ZNF423: variants seen among roughly 807,000 people sequenced by gnomAD.
ZNF423 encodes the protein Ebf-associated zinc finger protein.
A neutral mutation model predicts 95.8 loss-of-function variants in ZNF423; 12 were observed. The observed-to-expected ratio is 0.13, with a 90% CI of 0.08 to 0.20. ZNF423 has a LOEUF of 0.20. Among genes scored for constraint, ZNF423 ranks in the 10% least tolerant of loss-of-function variants. The pLI, the probability that ZNF423 is intolerant of heterozygous loss-of-function variation, is 1.00. For missense variants in ZNF423, 1,316 were observed against 1,737.1 expected, an observed-to-expected ratio of 0.76 and a Z score of 4.31; for synonymous variants, 749 against 711.9, an observed-to-expected ratio of 1.05 and a Z score of -0.83.
intron 3 of ZNF423, among the ~76,000 whole-genome samples, chr16:49,709,582 A>T (rs774919352): frequency 1.4e-4 from 22 of 152,140 alleles, no homozygotes; most frequent in Non-Finnish European, 2.6e-4. Flanking sequence ...TTCAAGTGCC[A>T]CTGCTATCGT....
intron 1 of ZNF423, among the ~76,000 whole-genome samples, chr16:49,845,027 C>T (rs2035228259): frequency 1.2e-5 from 1 of 85,228 alleles, no homozygotes; most frequent in Non-Finnish European, 2.0e-5. Flanking sequence ...AAGAGCGAAA[C>T]TCCATCTCAA....
At chr16:49,628,858 T>TC (rs1972399305) in intron 4 of ZNF423, among the ~76,000 whole-genome samples, 1 of 152,192 alleles carries the variant, frequency 6.6e-6, no homozygotes, top group Admixed American at 6.5e-5. Context: ...ACACAACTAA[T>TC]CCCAGATGGT....
At chr16:49,522,630 T>C (rs1968449192) in intron 7 of ZNF423, among the ~76,000 whole-genome samples, 1 of 152,140 alleles carries the variant, frequency 6.6e-6, no homozygotes, top group Admixed American at 6.5e-5. Flanking sequence ...TGTGTATGTG[T>C]GATATATCTG....
chr16:49,610,249 T>C lies in ZNF423; in HGVS notation c.3601+15921A>G, dbSNP rs188863789. The stretch of plus-strand genomic sequence containing the variant: ...GAACATTAGGTAGTAAGAAAGAACA[T>C]GGTAAGGAAATTTTACTGTAGATAC... On this transcript the variant is annotated intron_variant, in intron 5 of 7. Transcript: ENST00000563137. 3.3e-5 allele frequency among the ~76,000 whole-genome samples: 5 copies of C among 152,304 alleles called. 1 individual carries two copies. The East Asian group carries it at 9.6e-4, about 29-fold the overall frequency.
chr16:49,659,269 T>G (rs532912074), intron 3 of ZNF423, among the ~76,000 whole-genome samples: 2 of 152,168 alleles, frequency 1.3e-5, no homozygotes, highest in Non-Finnish European at 2.9e-5. Flanking sequence ...TATATTTTTT[T>G]GTAGAAATGA....
chr16:49,824,073 T>C (rs1472898911), intron 1 of ZNF423, among the ~76,000 whole-genome samples: 1 of 152,098 alleles, frequency 6.6e-6, no homozygotes, highest in Non-Finnish European at 1.5e-5. Flanking sequence ...AGTGATAACA[T>C]CTCAAAAAAA....
At chr16:49,856,775 C>T (rs1275638908), upstream of ZNF423, among the ~76,000 whole-genome samples, 2 of 148,052 alleles carry the variant, frequency 1.4e-5, no homozygotes, top group Non-Finnish European at 3.0e-5. Flanking sequence ...GCTGCCTGCC[C>T]TCGGGCTGCG....
At chr16:49,536,147 A>C (rs1352673852) in intron 5 of ZNF423, among the ~76,000 whole-genome samples, 3 of 152,224 alleles carry the variant, frequency 2.0e-5, no homozygotes, top group Non-Finnish European at 1.5e-5. Flanking sequence ...GCAAGAAAGC[A>C]ACATTTTTCA....
chr16:49,670,926 C>A (rs1429419406), intron 3 of ZNF423, among the ~76,000 whole-genome samples: 1 of 152,186 alleles, frequency 6.6e-6, no homozygotes, highest in South Asian at 2.1e-4. Context: ...CAGCCTAGAT[C>A]GGAGGCTACT....
At chr16:49,726,754 A>T (rs2033025090) in intron 3 of ZNF423, among the ~76,000 whole-genome samples, 2 of 150,572 alleles carry the variant, frequency 1.3e-5, no homozygotes, top group Admixed American at 1.3e-4. Flanking sequence ...ATCTACAGAC[A>T]TCTTAGTCTA....
At chr16:49,681,270 C>G (rs1209912915) in intron 3 of ZNF423, among the ~76,000 whole-genome samples, 1 of 152,198 alleles carries the variant, frequency 6.6e-6, no homozygotes, top group Non-Finnish European at 1.5e-5. Flanking sequence ...TGCAGCTGCT[C>G]TAGTTTGGGG....
rs752469162 is a variant in ZNF423, at chr16:49,783,863, G to A, written c.100+5624C>T. ...CACGTGCCTGTAGTCCCAGCTACTC[G>A]GGAGGCTGAGGCAGGAGAATCGTTT... is the stretch of plus-strand genomic sequence containing the variant. On this transcript the variant is annotated intron_variant, in intron 2 of 7. Coordinates refer to ENST00000563137, the MANE Select transcript of ZNF423 (RefSeq NM_001379286.1). Among the ~76,000 whole-genome samples the A allele has an allele frequency of 1.0e-3, 155 of 151,846 alleles. 1 individual carries two copies. The highest frequency in any genetic ancestry group is 6.8e-3 in the Middle Eastern group (2 of 294).
intron 1 of ZNF423, among the ~76,000 whole-genome samples, chr16:49,840,702 C>T (rs1377441974): frequency 6.6e-6 from 1 of 151,794 alleles, no homozygotes; most frequent in Non-Finnish European, 1.5e-5. Flanking sequence ...TGTACACACT[C>T]TCGCATGCAT....
At chr16:49,702,913 A>G (rs545685676) in intron 3 of ZNF423, among the ~76,000 whole-genome samples, 812 of 37,498 alleles carry the variant, frequency 0.022, 7 homozygotes, top group African/African-American at 0.045. Flanking sequence ...GCACACGCAC[A>G]CACACACACA....
intron 5 of ZNF423, among the ~76,000 whole-genome samples, chr16:49,554,272 G>A (rs532862154): frequency 1.3e-4 from 20 of 152,162 alleles, no homozygotes; most frequent in Non-Finnish European, 2.5e-4. Flanking sequence ...AGGTAGTAAC[G>A]CCGGGCATAG....
At chr16:49,762,813 C>G (rs2033856479) in intron 2 of ZNF423, among the ~76,000 whole-genome samples, 1 of 152,196 alleles carries the variant, frequency 6.6e-6, no homozygotes, top group East Asian at 1.9e-4. Context: ...AACGCTTGGT[C>G]TTGGAATATC....
intron 1 of ZNF423, chr16:49,854,187 C>A: frequency 1.0e-6 from 1 of 985,400 alleles, no homozygotes; most frequent in Non-Finnish European, 1.2e-6. Flanking sequence ...GCCAGGCTGT[C>A]CCGGATTGGG....
intron 1 of ZNF423, chr16:49,826,993 G>C (rs1171571837): frequency 2.0e-5 from 3 of 152,164 alleles, no homozygotes; most frequent in Middle Eastern, 3.2e-3. Flanking sequence ...GGACATTCCG[G>C]AGGGTTTGAT....
chr16:49,498,589 T>TCATGCCTC (rs1967258479), intron 7 of ZNF423, among the ~76,000 whole-genome samples: 1 of 152,180 alleles, frequency 6.6e-6, no homozygotes, highest in Admixed American at 6.5e-5. Flanking sequence ...AGGGAGAAGC[T>TCATGCCTC]CATGCCTCCA....
Sources: allele counts gnomAD v4.1 joint callset (sites outside exome capture counted in the v4.1 genomes callset), GRCh38; gene constraint gnomAD v4.1.1; transcripts MANE v1.5; gene names NCBI Gene and HGNC (gene_info 2026-07-23, HGNC 2026-07-21).